ACSM5: variants seen among roughly 807,000 people sequenced by gnomAD.
ACSM5 encodes the protein acyl-CoA synthetase medium chain family member 5, also known as acyl-coenzyme A synthetase ACSM5, mitochondrial.
Under a neutral mutation model 71.6 loss-of-function variants are expected in ACSM5, and 56 were observed. The observed-to-expected ratio is 0.78, with a 90% CI of 0.63 to 0.98. The LOEUF (loss-of-function observed/expected upper bound fraction) is 0.98. Ranked by LOEUF, ACSM5 falls within the 50% of genes least tolerant of loss-of-function variation. The pLI, the probability that ACSM5 is intolerant of heterozygous loss-of-function variation, is 0.00. For missense variants in ACSM5, 723 were observed against 726.0 expected, an observed-to-expected ratio of 1.00 and a Z score of 0.05; for synonymous variants, 285 against 281.5, an observed-to-expected ratio of 1.01 and a Z score of -0.12.
At chr16:20,431,342 G>A (rs375068483) in intron 10 of ACSM5, 21 bp downstream of exon 10, 40 of 1,582,648 alleles carry the variant, frequency 2.5e-5, no homozygotes, top group East Asian at 4.5e-5. Flanking sequence ...GGGAACAGCC[G>A]TTCTCATGAC....
In ACSM5 at chr16:20,437,198, T is replaced by C. The variant is rs7499667; in HGVS notation, c.1436+19T>C. On this transcript the variant is annotated intron_variant, in intron 11 of 13. Transcript: ENST00000331849. ...CTTCAAGGTCAAGCTGTCTGCACTT[T>C]CCTCCTTCCTTTGAAATTTCATGGG... 0.31 allele frequency: 496,485 copies of C among 1,604,528 alleles called. 84,316 individuals are homozygous for C. The highest frequency in any genetic ancestry group is 0.79 in the East Asian group (35,365 of 44,608).
chr16:20,435,103 G>GCT (rs1967166594), intron 10 of ACSM5, among the ~76,000 whole-genome samples: 1 of 152,136 alleles, frequency 6.6e-6, no homozygotes, highest in Non-Finnish European at 1.5e-5. Flanking sequence ...TGTGATCTTG[G>GCT]CTCACTGCAG....
intron 4 of ACSM5, chr16:20,421,055 C>T (rs771304189): frequency 2.2e-6 from 1 of 456,284 alleles, no homozygotes; most frequent in Non-Finnish European, 3.5e-6. Context: ...TATTTTGAGC[C>T]TCAGTTTCCT....
intron 5 of ACSM5, among the ~76,000 whole-genome samples, chr16:20,422,085 C>T (rs924368700): frequency 1.3e-5 from 2 of 151,930 alleles, no homozygotes; most frequent in African/African-American, 2.4e-5. Flanking sequence ...TATGGATAGA[C>T]CACATTTTAT....
At chr16:20,431,354 GTGAC>G in intron 10 of ACSM5, 33 bp downstream of exon 10, 1 of 1,530,460 alleles carries the variant, frequency 6.5e-7, no homozygotes, top group Non-Finnish European at 9.1e-7. Flanking sequence ...TCTCATGACA[GTGAC>G]TGTGTGCTAA....
At chr16:20,422,835 A>G (rs928256653) in intron 5 of ACSM5, among the ~76,000 whole-genome samples, 1 of 152,192 alleles carries the variant, frequency 6.6e-6, no homozygotes. Flanking sequence ...TGACAGAATC[A>G]GTGTGGAATG....
chr16:20,409,898 AGAGGTGAGGGGCG>A (rs1369932064), intron 1 of ACSM5, among the ~76,000 whole-genome samples: 10 of 58,306 alleles, frequency 1.7e-4, no homozygotes, highest in Non-Finnish European at 3.3e-4. Context: ...GAGGGGCGGG[AGAGGTGAGGGGCG>A]GGAGAGGTGA....
At position 20,411,555 on chromosome 16, in the gene ACSM5, G is replaced by C; in HGVS notation, c.71G>C (p.Gly24Ala). The C allele has an allele frequency of 6.2e-7, 1 of 1,614,168 alleles. No individual in the cohort carries two copies. Among genetic ancestry groups the C allele is most frequent in the Non-Finnish European group, 8.5e-7 (1 of 1,180,032 alleles). The change falls in exon 2 of 14, where the codon GGG becomes GCG. Residue 24 changes from glycine (G) to alanine (A), a missense_variant. Coordinates refer to ENST00000331849, the MANE Select transcript of ACSM5 (RefSeq NM_017888.3). ...TCCAGGGCATTCTGTGGGTCTCATGGGAAGCCAGCACCTCTACCTGTTCCT... is the reference window on the plus strand; with the variant it reads ...TCCAGGGCATTCTGTGGGTCTCATGCGAAGCCAGCACCTCTACCTGTTCCT... ...RNSRAFCGSH[G>A]KPAPLPVPQK...
At chr16:20,427,115 G>A (rs1373261202) in intron 6 of ACSM5, among the ~76,000 whole-genome samples, 5 of 151,914 alleles carry the variant, frequency 3.3e-5, no homozygotes, top group East Asian at 1.9e-4. Flanking sequence ...AGCCTGGCCA[G>A]GATGGTGAAA....
chr16:20,436,331 T>C (rs1389097894), intron 10 of ACSM5, among the ~76,000 whole-genome samples: 1 of 145,862 alleles, frequency 6.9e-6, no homozygotes, highest in East Asian at 2.2e-4. Context: ...CAGGCTGCAG[T>C]GCAGTGGCAC....
chr16:20,422,686 CAATGTA>C (rs2141648879), intron 5 of ACSM5, among the ~76,000 whole-genome samples: 1 of 152,172 alleles, frequency 6.6e-6, no homozygotes, highest in South Asian at 2.1e-4. Flanking sequence ...GTTGGGTTGA[CAATGTA>C]ACTGTAGGGG....
rs138102366 is a variant in ACSM5 at position 20,440,373 on chromosome 16, G to A, written c.1686G>A (p.Thr562=). Residue 562 remains threonine, a synonymous_variant, in exon 14 of 14, where the codon ACG becomes ACA. Coordinates refer to ENST00000331849, the MANE Select transcript of ACSM5 (RefSeq NM_017888.3). ...KVAFVSELPK[T]VSGKIQRSKL... ...CCTTTGTTTCAGAACTGCCAAAGAC[G>A]GTTTCTGGAAAGATCCAAAGGAGTA... The A allele has an allele frequency of 5.2e-4, 834 of 1,606,340 alleles. 7 individuals carry two copies. The African/African-American group carries it at 6.6e-3, about 13-fold the overall frequency.
chr16:20,432,135 G>T (rs545308747), intron 10 of ACSM5, among the ~76,000 whole-genome samples: 1 of 152,048 alleles, frequency 6.6e-6, no homozygotes, highest in African/African-American at 2.4e-5. Flanking sequence ...TGGTGTTTAT[G>T]TCGGGCTTTC....
chr16:20,411,824 T>A, intron 2 of ACSM5, 136 bp downstream of exon 2: 1 of 891,134 alleles, frequency 1.1e-6, no homozygotes, highest in Non-Finnish European at 1.7e-6. Context: ...AAATGTAAAC[T>A]GTTGGCATTT....
At chr16:20,421,590 T>C (rs568096945) in intron 5 of ACSM5, among the ~76,000 whole-genome samples, 189 bp downstream of exon 5, 100 of 144,220 alleles carry the variant, frequency 6.9e-4, no homozygotes, top group African/African-American at 2.4e-3. Context: ...TGAAAAGCCA[T>C]GGGAGGTTTC....
At chr16:20,440,313 A>G in intron 13 of ACSM5, 31 bp from the exon 14 acceptor site, 1 of 1,339,740 alleles carries the variant, frequency 7.5e-7, no homozygotes, top group Non-Finnish European at 1.1e-6. Context: ...GATGATTTCC[A>G]AGTGTTTTTT....
At chr16:20,437,467 T>A (rs1339521152) in intron 12 of ACSM5, 100 bp downstream of exon 12, 1 of 986,352 alleles carries the variant, frequency 1.0e-6, no homozygotes, top group African/African-American at 1.6e-5. Context: ...TTCACCTCCA[T>A]CCTTGTGCCA....
intron 4 of ACSM5, chr16:20,421,029 G>A (rs990385660): frequency 3.3e-5 from 12 of 360,334 alleles, no homozygotes; most frequent in African/African-American, 2.5e-4. Flanking sequence ...GGACTCTTTT[G>A]CGTGAATTAT....
intron 4 of ACSM5, 92 bp downstream of exon 4, chr16:20,419,527 A>G: frequency 8.0e-7 from 1 of 1,244,000 alleles, no homozygotes; most frequent in East Asian, 2.5e-5. Flanking sequence ...CCACACATAG[A>G]GAGCGAATCA....
Sources: gnomAD v4.1 joint callset for allele counts (sites outside exome capture counted in the v4.1 genomes callset) on GRCh38, gnomAD v4.1.1 for gene constraint, MANE v1.5 for transcripts, NCBI Gene and HGNC (gene_info 2026-07-23, HGNC 2026-07-21) for gene names.